The following OXR1 variants were observed in gnomAD, a reference collection of about 807,000 sequenced individuals.
The protein encoded by OXR1 is oxidation resistance 1.
In OXR1, 41 loss-of-function variants were observed where a neutral mutation model predicts 104.6. That is an observed-to-expected ratio of 0.39 (90% CI 0.31 to 0.51). The LOEUF (loss-of-function observed/expected upper bound fraction) is 0.51. OXR1 is among the 20% of genes least tolerant of loss of function. The pLI is 0.77. For synonymous variants in OXR1, 348 were observed against 348.4 expected (o/e 1.00, Z 0.01); for missense variants, 955 against 1,031.9 (o/e 0.93, Z 1.02).
chr8:106,333,962 G>A (rs561243431), intron 1 of OXR1, among the ~76,000 whole-genome samples: 8 of 152,134 alleles, frequency 5.3e-5, no homozygotes, highest in South Asian at 2.1e-4. Context: ...ATTTTCATAC[G>A]ATCTTATAGA....
At chr8:106,320,516 T>C (rs1814170280) in intron 1 of OXR1, among the ~76,000 whole-genome samples, 1 of 152,198 alleles carries the variant, frequency 6.6e-6, no homozygotes, top group African/African-American at 2.4e-5. Flanking sequence ...CCCTTCTGTT[T>C]AGGTTTTAGG....
At chr8:106,458,215 A>G (rs1820710822) in intron 2 of OXR1, among the ~76,000 whole-genome samples, 1 of 152,280 alleles carries the variant, frequency 6.6e-6, no homozygotes, top group Non-Finnish European at 1.5e-5. Flanking sequence ...CTTGAGGGCC[A>G]GATTTCCAGA....
Position 106,339,515 on chromosome 8 carries a change from AAAAAATATATATAT to A in OXR1, c.-138-19959_-138-19946del, listed in dbSNP as rs1447187610. 5.8e-4 allele frequency among the ~76,000 whole-genome samples: 18 copies of A among 31,262 alleles called. 3 individuals carry two copies. The highest frequency in any genetic ancestry group is 3.4e-3 in the African/African-American group (18 of 5,270). 20.5% of individuals were successfully genotyped at this position (31,262 alleles called of 152,430 possible). A position where few individuals can be genotyped will look rare whatever the true frequency, so the allele number is the denominator to read the frequency against. ...TCCAAAAAAAAAAAAAAAAAAAAAA[AAAAAATATATATAT>A]ATATATATATATATATATATATATA... On this transcript the variant is annotated intron_variant, in intron 1 of 16. Coordinates refer to ENST00000517566, the MANE Select transcript of OXR1 (RefSeq NM_001198533.2).
At chr8:106,274,607 C>A (rs1554616319) in intron 1 of OXR1, among the ~76,000 whole-genome samples, 2 of 137,670 alleles carry the variant, frequency 1.5e-5, no homozygotes, top group Non-Finnish European at 3.2e-5. Flanking sequence ...GCCACCCCCC[C>A]CCCGACCCCG....
chr8:106,332,646 TCTTTATACAA>T (rs1214934464), intron 1 of OXR1, among the ~76,000 whole-genome samples: 7 of 152,172 alleles, frequency 4.6e-5, no homozygotes, highest in African/African-American at 1.7e-4. Flanking sequence ...TAAAGTGATT[TCTTTATACAA>T]CTTTATACAA....
chr8:106,385,727 C>T (rs1817345165), intron 2 of OXR1, among the ~76,000 whole-genome samples: 1 of 152,084 alleles, frequency 6.6e-6, no homozygotes, highest in Non-Finnish European at 1.5e-5. Flanking sequence ...AATCAGGTTT[C>T]TAGATGGCCT....
intron 1 of OXR1, among the ~76,000 whole-genome samples, chr8:106,330,523 A>G (rs910827260): frequency 6.6e-6 from 1 of 152,164 alleles, no homozygotes; most frequent in African/African-American, 2.4e-5. Context: ...AAAAGAAATC[A>G]TGTTTATTTC....
chr8:106,509,956 G>A (rs546686639), intron 2 of OXR1, among the ~76,000 whole-genome samples: 2 of 152,130 alleles, frequency 1.3e-5, no homozygotes, highest in South Asian at 4.1e-4. Context: ...ATTTTTAGTA[G>A]AGATGGGATT....
chr8:106,581,392 A>G (rs1462357704), intron 3 of OXR1: 1 of 433,362 alleles, frequency 2.3e-6, no homozygotes, highest in East Asian at 7.5e-5. Context: ...AAATAATAGT[A>G]GATTCGGATA....
intron 2 of OXR1, among the ~76,000 whole-genome samples, chr8:106,513,031 A>C (rs897709830): frequency 2.6e-5 from 4 of 152,178 alleles, no homozygotes; most frequent in Non-Finnish European, 4.4e-5. Flanking sequence ...AAGTGCATTT[A>C]TCCTACTCAA....
intron 2 of OXR1, among the ~76,000 whole-genome samples, chr8:106,505,627 T>C (rs1365301589): frequency 6.6e-6 from 1 of 152,156 alleles, no homozygotes; most frequent in Non-Finnish European, 1.5e-5. Flanking sequence ...GGATGGTCTT[T>C]CAGAGGAGAC....
intron 2 of OXR1, among the ~76,000 whole-genome samples, chr8:106,402,419 T>G (rs1377657415): frequency 2.6e-5 from 4 of 152,220 alleles, no homozygotes; most frequent in African/African-American, 9.6e-5. Context: ...AATGTGAGGA[T>G]TCTGCCAGCT....
intron 2 of OXR1, among the ~76,000 whole-genome samples, chr8:106,449,939 T>G (rs1820222258): frequency 6.6e-6 from 1 of 152,170 alleles, no homozygotes; most frequent in Admixed American, 6.5e-5. Flanking sequence ...CTCACAGGCA[T>G]GCACACTTTT....
At chr8:106,279,749 A>G (rs532725177) in intron 1 of OXR1, among the ~76,000 whole-genome samples, 3 of 152,306 alleles carry the variant, frequency 2.0e-5, no homozygotes, top group African/African-American at 4.8e-5. Flanking sequence ...ACAAAACAGA[A>G]CAAAACTCAA....
At chr8:106,368,007 A>T (rs1299203721) in intron 2 of OXR1, among the ~76,000 whole-genome samples, 2 of 152,158 alleles carry the variant, frequency 1.3e-5, no homozygotes, top group Non-Finnish European at 2.9e-5. Context: ...CATGTAGGCC[A>T]AGAGAAAGAC....
At chr8:106,525,238 A>G (rs578075457) in intron 3 of OXR1, among the ~76,000 whole-genome samples, 3 of 152,290 alleles carry the variant, frequency 2.0e-5, no homozygotes, top group Admixed American at 2.0e-4. Context: ...TCTTTAAGCA[A>G]TTTATTCACA....
chr8:106,496,225 T>A (rs536798369), intron 2 of OXR1, among the ~76,000 whole-genome samples: 4 of 152,128 alleles, frequency 2.6e-5, no homozygotes, highest in African/African-American at 9.7e-5. Context: ...TGGGAACTTA[T>A]CAGGAATATA....
rs71307063 is a variant in OXR1 at position 106,499,168 on chromosome 8, CAAAAAAAA to C, written c.24-19757_24-19750del. ...TGGGCGACAGAGCGAGACTCCGTCT[CAAAAAAAA>C]AAAAAAAAAAAAAAAAAGAATTAGG... On this transcript the variant is annotated intron_variant, in intron 2 of 16. Transcript: ENST00000517566. 5.2e-4 allele frequency among the ~76,000 whole-genome samples: 4 copies of C among 7,700 alleles called. 2 individuals are homozygous for C. Among genetic ancestry groups the C allele is most frequent in the African/African-American group, 1.6e-3 (2 of 1,272 alleles). The allele number at this position is 7,700 out of a possible 152,430, so 5.1% of individuals were successfully genotyped here.
chr8:106,711,013 A>G (rs1483096085), intron 10 of OXR1, among the ~76,000 whole-genome samples: 6 of 152,136 alleles, frequency 3.9e-5, no homozygotes, highest in African/African-American at 1.2e-4. Flanking sequence ...CAAATATCCA[A>G]TTTGGGTAGT....
Sources: gnomAD v4.1 joint callset for allele counts (sites outside exome capture counted in the v4.1 genomes callset) on GRCh38, gnomAD v4.1.1 for gene constraint, MANE v1.5 for transcripts, NCBI Gene and HGNC (gene_info 2026-07-23, HGNC 2026-07-21) for gene names.